Variants in MARF1 observed in about 807,000 individuals in gnomAD.
MARF1 encodes the protein meiosis regulator and mRNA stability factor 1, also known as limkain-b1.
Under a neutral mutation model 168.2 loss-of-function variants are expected in MARF1, and 24 were observed. The ratio of observed to expected loss-of-function variants is 0.14; its 90% CI spans 0.10 to 0.20. The LOEUF (loss-of-function observed/expected upper bound fraction) is 0.20. Among genes scored for constraint, MARF1 ranks in the 10% least tolerant of loss-of-function variants. The pLI is 1.00. For synonymous variants in MARF1, 868 were observed against 822.4 expected, an observed-to-expected ratio of 1.06 and a Z score of -0.95; for missense variants, 1,744 against 2,143.6, an observed-to-expected ratio of 0.81 and a Z score of 3.68.
At chr16:15,607,555 A>AT in intron 21 of MARF1, among the ~76,000 whole-genome samples, 1 of 152,280 alleles carries the variant, frequency 6.6e-6, no homozygotes, top group Middle Eastern at 3.4e-3. Context: ...ACTCCAAAAA[A>AT]ACCCCACAGT....
In MARF1 at chr16:15,612,696, T is replaced by C. The variant is rs200559907; in HGVS notation, c.3335A>G (p.Lys1112Arg). The C allele has an allele frequency of 7.6e-5, 122 of 1,614,186 alleles. No homozygotes were observed. In the African/African-American group the frequency reaches 1.5e-3, roughly 20 times the overall value. ...GGGTATGACACAAGATGGCTGGCTTTTCAGCAAGTCAATCACTTCTCTACT... is the reference window on the plus strand; with the variant it reads ...GGGTATGACACAAGATGGCTGGCTTCTCAGCAAGTCAATCACTTCTCTACT... ...QFSREVIDLL[K>R]SQPSCVIPIS... is the part of the protein sequence containing the mutation. Residue 1112 changes from lysine (K) to arginine (R), a missense_variant, in exon 17 of 27, where the codon AAA becomes AGA. Physicochemically the swap from Lys to Arg is conservative, Grantham distance 26. Transcript: ENST00000396368.
At chr16:15,602,494 CAA>C (rs995949696) in intron 22 of MARF1, 62 of 544,960 alleles carry the variant, frequency 1.1e-4, no homozygotes, top group Non-Finnish European at 1.8e-4. Context: ...AAGACGAAGA[CAA>C]GACGAAGACG....
chr16:15,608,533 G>C lies in MARF1; in HGVS notation c.3955-15C>G. On this transcript the variant is annotated splice_polypyrimidine_tract_variant and intron_variant, in intron 20 of 26. Transcript: ENST00000396368. ...CATTCCAATACCTTTGAAAACACAC[G>C]GGGGGAGGAAAGGGAAAATAAACAA... 6.4e-7 allele frequency: 1 copy of C among 1,572,452 alleles called. No individual in the cohort carries two copies. Among genetic ancestry groups the C allele is most frequent in the Non-Finnish European group, 8.7e-7 (1 of 1,143,546 alleles).
intron 16 of MARF1, among the ~76,000 whole-genome samples, chr16:15,613,970 CAAGTA>C (rs1028828223): frequency 1.3e-5 from 2 of 152,108 alleles, no homozygotes; most frequent in Non-Finnish European, 2.9e-5. Flanking sequence ...AGGAAGGCAA[CAAGTA>C]AAGTGTCGTT....
At chr16:15,626,962 A>AG (rs1218066152) in intron 7 of MARF1, among the ~76,000 whole-genome samples, 4 of 13,460 alleles carry the variant, frequency 3.0e-4, no homozygotes, top group Non-Finnish European at 4.8e-4. Flanking sequence ...AGATTCTGTG[A>AG]AAAAAAAAAA....
chr16:15,610,309 T>G (rs2033407115), intron 19 of MARF1: 1 of 153,550 alleles, frequency 6.5e-6, no homozygotes, highest in South Asian at 2.0e-4. Flanking sequence ...GGAGCACCGT[T>G]TAAGAACCAG....
intron 16 of MARF1, among the ~76,000 whole-genome samples, chr16:15,615,244 C>T (rs2033946962): frequency 6.6e-6 from 1 of 152,062 alleles, no homozygotes; most frequent in South Asian, 2.1e-4. Context: ...GCCTGTAATC[C>T]CAGCATTTTG....
Position 15,609,506 on chromosome 16 carries a change from A to T in MARF1, c.3954+17T>A, listed in dbSNP as rs1377361272. 6.3e-7 allele frequency: 1 copy of T among 1,591,402 alleles called. No homozygotes were observed. Among genetic ancestry groups the T allele is most frequent in the Non-Finnish European group, 8.6e-7 (1 of 1,160,986 alleles). On this transcript the variant is annotated intron_variant, in intron 20 of 26. Transcript: ENST00000396368. ...GTTCAGAAAAATACTTTATAAAATT[A>T]GAATTTCTTCACTCACTTGTAAAGT...
intron 3 of MARF1, chr16:15,635,431 A>G (rs772249627): frequency 1.8e-6 from 1 of 544,966 alleles, no homozygotes; most frequent in Non-Finnish European, 3.2e-6. Flanking sequence ...AAGAGGCTCT[A>G]AAAGTATAAA....
At chr16:15,611,442 G>A (rs1402505115) in intron 18 of MARF1, 150 bp downstream of exon 18, 34 of 585,648 alleles carry the variant, frequency 5.8e-5, no homozygotes, top group Non-Finnish European at 6.2e-5. Flanking sequence ...GCGAGACTCC[G>A]TCTCAAAAAA....
At chr16:15,622,855 T>G in intron 11 of MARF1, 79 bp downstream of exon 11, 2 of 1,168,982 alleles carry the variant, frequency 1.7e-6, no homozygotes, top group Non-Finnish European at 2.4e-6. Context: ...GCTGTGGTTA[T>G]GTATATCAAA....
rs767160058 is a variant in MARF1 at position 15,636,136 on chromosome 16, A to G, written c.351T>C (p.Gly117=). The G allele has an allele frequency of 6.2e-7, 1 of 1,614,192 alleles. No individual in the cohort carries two copies. Among genetic ancestry groups the G allele is most frequent in the East Asian group, 2.2e-5 (1 of 44,888 alleles). The part of the protein sequence containing the change: ...NEPSTSPMRF[G]GGGGGSGGTS... ...TACCTCCGCTACCGCCACCACCACC[A>G]CCAAAACGCATTGGCGAAGTGGAGG... The change falls in exon 3 of 27, where the codon GGT becomes GGC. Residue 117 remains glycine, a synonymous_variant. Coordinates refer to ENST00000396368, the MANE Select transcript of MARF1 (RefSeq NM_014647.4).
chr16:15,637,836 C>A (rs2035695673), intron 2 of MARF1, among the ~76,000 whole-genome samples: 1 of 152,130 alleles, frequency 6.6e-6, no homozygotes, highest in South Asian at 2.1e-4. Flanking sequence ...ATAGTGAAAA[C>A]CTAGAGAAAA....
chr16:15,611,203 A>T (rs1182408946), intron 18 of MARF1, 95 bp from the exon 19 acceptor site: 1 of 1,247,996 alleles, frequency 8.0e-7, no homozygotes, highest in African/African-American at 1.5e-5. Context: ...TCACGCCTGT[A>T]ATCCCAGCAC....
At chr16:15,630,644 GA>G in intron 6 of MARF1, 140 bp from the exon 7 acceptor site, 1 of 637,756 alleles carries the variant, frequency 1.6e-6, no homozygotes, top group Non-Finnish European at 2.5e-6. Context: ...TCTTAGGAAA[GA>G]AACACGTTTC....
chr16:15,604,483 A>T, intron 21 of MARF1, 85 bp from the exon 22 acceptor site: 2 of 857,478 alleles, frequency 2.3e-6, no homozygotes, highest in South Asian at 3.1e-5. Context: ...CATTTTGGTT[A>T]ATGAGACCAA....
At chr16:15,599,172 AAAAC>A in intron 25 of MARF1, 148 bp from the exon 26 acceptor site, 3 of 779,296 alleles carry the variant, frequency 3.8e-6, no homozygotes, top group Admixed American at 2.8e-5. Context: ...AAAAAAAAAA[AAAAC>A]AAAAACCCAA....
In MARF1 at chr16:15,617,557, C is replaced by T. The variant is rs547914650; in HGVS notation, c.2721-22G>A. The T allele has an allele frequency of 2.9e-5, 45 of 1,530,824 alleles. No individual in the cohort carries two copies. The South Asian group carries it at 3.7e-4, about 13-fold the overall frequency. The allele number at this position is 1,530,824 out of a possible 1,614,324, so 94.8% of individuals were successfully genotyped here. A position where few individuals can be genotyped will look rare whatever the true frequency, so the allele number is the denominator to read the frequency against. On this transcript the variant is annotated intron_variant, in intron 13 of 26. Coordinates refer to ENST00000396368, the MANE Select transcript of MARF1 (RefSeq NM_014647.4). Reference sequence around the variant, plus strand: ...AAACCTAAAAGCAAGAGAAGAGAGACGCTGACTTAGAAGGTTTTTCTTTGA... The same window carrying T: ...AAACCTAAAAGCAAGAGAAGAGAGATGCTGACTTAGAAGGTTTTTCTTTGA...
intron 16 of MARF1, 48 bp downstream of exon 16, chr16:15,615,782 C>G: frequency 7.3e-7 from 1 of 1,377,078 alleles, no homozygotes; most frequent in South Asian, 1.8e-5. Context: ...CTCCTCTGGT[C>G]TCATAGTGGA....
Sources: gnomAD v4.1 joint callset for allele counts (sites outside exome capture counted in the v4.1 genomes callset) on GRCh38, gnomAD v4.1.1 for gene constraint, MANE v1.5 for transcripts, NCBI Gene and HGNC (gene_info 2026-07-23, HGNC 2026-07-21) for gene names.